ERN1: variants seen among roughly 807,000 people sequenced by gnomAD.
ERN1 encodes serine/threonine-protein kinase/endoribonuclease IRE1.
In ERN1, 39 loss-of-function variants were observed where a neutral mutation model predicts 113.1. That is an observed-to-expected ratio of 0.34 (90% confidence interval 0.27 to 0.45). The LOEUF is 0.45. Ranked by LOEUF, ERN1 falls within the 20% of genes least tolerant of loss-of-function variation. The pLI is 1.00. For missense variants in ERN1, 976 were observed against 1,274.8 expected (o/e 0.77, Z 3.57); for synonymous variants, 507 against 515.9 (o/e 0.98, Z 0.23).
rs1912296272 is a variant in ERN1, at chr17:64,040,264, G to A, written c.*3724C>T. ...GGCGCTGGGCTTCTCTTCCAGCACA[G>A]AAGGCTGCAAAAGTGGAACTGGCCC... On this transcript the variant is annotated 3_prime_UTR_variant, in exon 22 of 22. Coordinates refer to ENST00000433197, the MANE Select transcript of ERN1 (RefSeq NM_001433.5). 1 of 152,304 alleles carries A rather than the reference G, an allele frequency of 6.6e-6. No individual in the cohort carries two copies. Among genetic ancestry groups the A allele is most frequent in the Non-Finnish European group, 1.5e-5 (1 of 68,134 alleles). 9.4% of individuals were successfully genotyped at this position (152,304 alleles called of 1,614,324 possible).
chr17:64,093,133 C>CAA (rs940848576), intron 2 of ERN1, among the ~76,000 whole-genome samples: 3 of 140,192 alleles, frequency 2.1e-5, no homozygotes, highest in Admixed American at 2.1e-4. Context: ...CCACAGAAAG[C>CAA]AAAAAAAAAA....
At chr17:64,105,420 G>A (rs1450200430) in intron 1 of ERN1, among the ~76,000 whole-genome samples, 1 of 152,048 alleles carries the variant, frequency 6.6e-6, no homozygotes, top group East Asian at 1.9e-4. Flanking sequence ...ATAAAAAAAA[G>A]ACTTCAAATA....
intron 2 of ERN1, among the ~76,000 whole-genome samples, chr17:64,083,683 C>G (rs942604076): frequency 3.9e-5 from 6 of 152,074 alleles, no homozygotes; most frequent in African/African-American, 9.7e-5. Flanking sequence ...GGGAAAGAAA[C>G]AAACCTGCTC....
At chr17:64,116,087 CACTT>C (rs751587634) in intron 1 of ERN1, among the ~76,000 whole-genome samples, 2 of 152,178 alleles carry the variant, frequency 1.3e-5, no homozygotes, top group African/African-American at 2.4e-5. Context: ...TAATCTGACT[CACTT>C]TAAGGTTCAG....
At chr17:64,114,875 C>T (rs761305903) in intron 1 of ERN1, among the ~76,000 whole-genome samples, 1 of 152,060 alleles carries the variant, frequency 6.6e-6, no homozygotes, top group Non-Finnish European at 1.5e-5. Flanking sequence ...ATCAGAACTT[C>T]GTAGGAGAGC....
chr17:64,076,351 C>A (rs909975870), intron 4 of ERN1, among the ~76,000 whole-genome samples: 2 of 152,190 alleles, frequency 1.3e-5, no homozygotes, highest in African/African-American at 2.4e-5. Flanking sequence ...TGGATTTTCC[C>A]ATCATCCCAA....
chr17:64,070,054 A>T (rs1269474174), intron 6 of ERN1, among the ~76,000 whole-genome samples: 1 of 152,100 alleles, frequency 6.6e-6, no homozygotes, highest in East Asian at 1.9e-4. Context: ...ACTTGCTTTG[A>T]CCAACAGACT....
At chr17:64,116,257 T>C (rs1364170137) in intron 1 of ERN1, among the ~76,000 whole-genome samples, 2 of 152,072 alleles carry the variant, frequency 1.3e-5, no homozygotes. Context: ...ATCAGATAAG[T>C]GATTGAACTT....
intron 1 of ERN1, among the ~76,000 whole-genome samples, chr17:64,115,929 C>T (rs896336780): frequency 6.6e-6 from 1 of 152,200 alleles, no homozygotes; most frequent in African/African-American, 2.4e-5. Flanking sequence ...CTAGCCCCAA[C>T]CAATCAAAAC....
intron 1 of ERN1, among the ~76,000 whole-genome samples, chr17:64,109,787 T>C (rs1914625675): frequency 6.6e-6 from 1 of 152,090 alleles, no homozygotes; most frequent in African/African-American, 2.4e-5. Context: ...GGAACCAAGG[T>C]CTCCGCCTCC....
At position 64,090,533 on chromosome 17, in the gene ERN1, C is replaced by T. The variant is rs376171968; in HGVS notation, c.175+7588G>A. 1.1e-3 allele frequency among the ~76,000 whole-genome samples: 161 copies of T among 152,256 alleles called. 1 individual carries two copies. The South Asian group carries it at 0.03, about 29-fold the overall frequency. ...GAATTCATTCCTGAGTGATGGAGTG[C>T]CATCAAACCAGACACTCAAAAGTGA... On this transcript the variant is annotated intron_variant, in intron 2 of 21. Coordinates refer to ENST00000433197, the MANE Select transcript of ERN1 (RefSeq NM_001433.5).
chr17:64,109,109 AG>A (rs1372939655), intron 1 of ERN1, among the ~76,000 whole-genome samples: 1 of 151,930 alleles, frequency 6.6e-6, no homozygotes, highest in African/African-American at 2.4e-5. Context: ...GGGTGACAAG[AG>A]GGAAACTCCA....
chr17:64,050,218 CTGG>C (rs1912639476), intron 17 of ERN1, among the ~76,000 whole-genome samples: 1 of 152,110 alleles, frequency 6.6e-6, no homozygotes, highest in Non-Finnish European at 1.5e-5. Flanking sequence ...TAGGAAGGTG[CTGG>C]ATTCGGGACA....
At chr17:64,085,323 G>A (rs1010145558) in intron 2 of ERN1, among the ~76,000 whole-genome samples, 2 of 152,192 alleles carry the variant, frequency 1.3e-5, no homozygotes, top group Non-Finnish European at 2.9e-5. Context: ...GCTTCCACTA[G>A]TGGCAGAAGG....
In ERN1 at chr17:64,130,079, C is replaced by CG; in HGVS notation, c.-51dup. ...GGGGCGGTACGGACAGAGGACGGGG[C>CG]GGGGGCGCCGCGACGACAGCGAGGC... On this transcript the variant is annotated 5_prime_UTR_variant, in exon 1 of 22. Coordinates refer to ENST00000433197, the MANE Select transcript of ERN1 (RefSeq NM_001433.5). The surrounding 1 kb of genome is among the most constrained non-coding windows in gnomAD (Gnocchi z 4.0). 2 of 1,327,298 alleles carry CG rather than the reference C, an allele frequency of 1.5e-6. No individual in the cohort carries two copies. Among genetic ancestry groups the CG allele is most frequent in the South Asian group, 1.9e-5 (1 of 51,656 alleles). The allele number at this position is 1,327,298 out of a possible 1,614,324, so 82.2% of individuals were successfully genotyped here. A position where few individuals can be genotyped will look rare whatever the true frequency, so the allele number is the denominator to read the frequency against.
chr17:64,046,050 T>C (rs1353934617), intron 19 of ERN1, among the ~76,000 whole-genome samples: 9 of 152,074 alleles, frequency 5.9e-5, no homozygotes, highest in Non-Finnish European at 1.2e-4. Context: ...ACTTTGGTAA[T>C]AAGGAGAGGG....
chr17:64,071,904 T>G, intron 6 of ERN1, 77 bp downstream of exon 6: 1 of 1,499,280 alleles, frequency 6.7e-7, no homozygotes, highest in Non-Finnish European at 9.1e-7. Context: ...GGCCACCTTC[T>G]AGGGAAGGAG....
chr17:64,080,612 T>A (rs1333089222), intron 3 of ERN1, 163 bp downstream of exon 3: 1 of 614,242 alleles, frequency 1.6e-6, no homozygotes, highest in Non-Finnish European at 2.8e-6. Context: ...CACCTCCTCC[T>A]CAACACAAGC....
intron 2 of ERN1, among the ~76,000 whole-genome samples, chr17:64,089,342 AAAAG>A (rs1444953442): frequency 8.0e-5 from 12 of 150,196 alleles, no homozygotes; most frequent in Non-Finnish European, 1.5e-4. Context: ...AAAAAAAAAA[AAAAG>A]AGGAACGTGA....
Sources: allele counts gnomAD v4.1 joint callset (sites outside exome capture counted in the v4.1 genomes callset), GRCh38; gene constraint gnomAD v4.1.1; non-coding constraint Gnocchi (gnomAD v3.1); transcripts MANE v1.5; gene names NCBI Gene and HGNC (gene_info 2026-07-23, HGNC 2026-07-21).